VPS13B: variants seen among roughly 807,000 people sequenced by gnomAD.
The protein encoded by VPS13B is vacuolar protein sorting 13 homolog B.
In VPS13B, 285 loss-of-function variants were observed where a neutral mutation model predicts 426.4. The observed-to-expected ratio is 0.67, with a 90% CI of 0.61 to 0.74. The LOEUF (loss-of-function observed/expected upper bound fraction) is 0.74. Ranked by LOEUF, VPS13B falls within the 30% of genes least tolerant of loss-of-function variation. The pLI is 0.00. For synonymous variants in VPS13B, 1,676 were observed against 1,676.4 expected, an observed-to-expected ratio of 1.00 and a Z score of 0.01; for missense variants, 4,537 against 4,782.6, an observed-to-expected ratio of 0.95 and a Z score of 1.51.
intron 28 of VPS13B, chr8:99,508,003 G>C: frequency 6.3e-7 from 1 of 1,575,688 alleles, no homozygotes; most frequent in Admixed American, 1.7e-5. Flanking sequence ...CTCTTGATTT[G>C]TGTTTTCCTC....
intron 3 of VPS13B, among the ~76,000 whole-genome samples, chr8:99,042,847 G>A (rs1272744130): frequency 6.6e-6 from 1 of 152,164 alleles, no homozygotes; most frequent in African/African-American, 2.4e-5. Context: ...TGATCAAAAA[G>A]TGATATGTTA....
chr8:99,329,764 A>G (rs1342280181), intron 19 of VPS13B, among the ~76,000 whole-genome samples: 2 of 152,044 alleles, frequency 1.3e-5, no homozygotes, highest in African/African-American at 2.4e-5. Flanking sequence ...ATCTTGACAG[A>G]TTCTAGTAAC....
rs533228041 is a variant in VPS13B, at chr8:99,808,962, T to TA, written c.7942-403dup. On this transcript the variant is annotated intron_variant, in intron 43 of 61. Transcript: ENST00000357162. ...GAAAAAAGGTATGACAATTGATGAT[T>TA]AAAAAAAAAACCCACAAACCAAATT... Among the ~76,000 whole-genome samples, 315 of 148,314 alleles carry TA rather than the reference T, an allele frequency of 2.1e-3. 1 individual carries two copies. The highest frequency in any genetic ancestry group is 0.01 in the Middle Eastern group (3 of 290).
At chr8:99,450,748 T>C (rs1048606545) in intron 23 of VPS13B, among the ~76,000 whole-genome samples, 2 of 152,126 alleles carry the variant, frequency 1.3e-5, no homozygotes, top group Non-Finnish European at 1.5e-5. Flanking sequence ...ATCTTTTTTT[T>C]ACTTGTCCTC....
At chr8:99,576,691 A>C (rs1256187941) in intron 32 of VPS13B, among the ~76,000 whole-genome samples, 1 of 152,288 alleles carries the variant, frequency 6.6e-6, no homozygotes, top group South Asian at 2.1e-4. Context: ...CATCATGACA[A>C]GAGGCAGGAC....
intron 21 of VPS13B, among the ~76,000 whole-genome samples, chr8:99,413,406 C>T (rs573040404): frequency 6.6e-6 from 1 of 151,818 alleles, no homozygotes; most frequent in African/African-American, 2.4e-5. Flanking sequence ...GTGGTGATCT[C>T]CCCTTTATCA....
At chr8:99,648,584 C>T (rs1357672871) in intron 34 of VPS13B, among the ~76,000 whole-genome samples, 2 of 152,136 alleles carry the variant, frequency 1.3e-5, no homozygotes, top group Non-Finnish European at 2.9e-5. Flanking sequence ...CATGTCTAAT[C>T]ATTCACACTC....
intron 17 of VPS13B, among the ~76,000 whole-genome samples, chr8:99,267,458 G>T (rs976361529): frequency 6.6e-6 from 1 of 152,110 alleles, no homozygotes; most frequent in Non-Finnish European, 1.5e-5. Flanking sequence ...GGCTGGACAC[G>T]ATGGCTCATG....
At chr8:99,487,097 A>T (rs1171712350) in intron 25 of VPS13B, among the ~76,000 whole-genome samples, 2 of 150,152 alleles carry the variant, frequency 1.3e-5, no homozygotes, top group African/African-American at 2.5e-5. Flanking sequence ...TTTCTCATTG[A>T]CCGAAACCAA....
At chr8:99,443,997 TTTTTC>T (rs1314492693) in intron 23 of VPS13B, among the ~76,000 whole-genome samples, 12 of 147,204 alleles carry the variant, frequency 8.2e-5, no homozygotes, top group African/African-American at 3.0e-4. Context: ...GCTTTGTTTC[TTTTTC>T]TTTTCTTTTT....
intron 59 of VPS13B, among the ~76,000 whole-genome samples, chr8:99,870,365 G>A (rs986602395): frequency 6.6e-5 from 10 of 151,988 alleles, no homozygotes; most frequent in African/African-American, 2.4e-4. Flanking sequence ...TTGTTTCCCA[G>A]GCTGGTCTCT....
At chr8:99,150,480 A>AT (rs1563569551) in intron 14 of VPS13B, among the ~76,000 whole-genome samples, 1 of 152,216 alleles carries the variant, frequency 6.6e-6, no homozygotes, top group East Asian at 1.9e-4. Flanking sequence ...ATTATCTGCT[A>AT]TAACAATATC....
intron 30 of VPS13B, among the ~76,000 whole-genome samples, chr8:99,534,762 T>C (rs2133704412): frequency 6.6e-6 from 1 of 152,290 alleles, no homozygotes; most frequent in Non-Finnish European, 1.5e-5. Flanking sequence ...TGCTACTGTC[T>C]TAAGTGTCTG....
At chr8:99,519,619 G>A (rs992237421) in intron 29 of VPS13B, among the ~76,000 whole-genome samples, 7 of 152,114 alleles carry the variant, frequency 4.6e-5, no homozygotes, top group Non-Finnish European at 7.4e-5. Context: ...AGACTATGCA[G>A]CCATAAAAAA....
intron 17 of VPS13B, among the ~76,000 whole-genome samples, chr8:99,224,613 TTTTAAA>T (rs1475213842): frequency 1.3e-5 from 2 of 152,132 alleles, no homozygotes; most frequent in African/African-American, 4.8e-5. Context: ...TTTTACTCAC[TTTTAAA>T]TTAAAGCATA....
At chr8:99,416,578 G>C (rs569699029) in intron 21 of VPS13B, among the ~76,000 whole-genome samples, 55 of 152,340 alleles carry the variant, frequency 3.6e-4, no homozygotes, top group Middle Eastern at 3.4e-3. Flanking sequence ...CAGGTCTGCG[G>C]GTTGTGAAGA....
At chr8:99,024,491 C>T (rs563232318) in intron 2 of VPS13B, among the ~76,000 whole-genome samples, 12 of 152,270 alleles carry the variant, frequency 7.9e-5, no homozygotes, top group East Asian at 1.9e-4. Context: ...GGTGAGAGAT[C>T]GGGATCTAGT....
At chr8:99,066,306 A>G (rs1417544544) in intron 3 of VPS13B, among the ~76,000 whole-genome samples, 2 of 152,232 alleles carry the variant, frequency 1.3e-5, no homozygotes, top group African/African-American at 2.4e-5. Flanking sequence ...AAACAGATAT[A>G]TAGACCAATG....
chr8:99,265,072 G>T (rs1391076152), intron 17 of VPS13B, among the ~76,000 whole-genome samples: 1 of 151,872 alleles, frequency 6.6e-6, no homozygotes, highest in Non-Finnish European at 1.5e-5. Flanking sequence ...ATTTCTTATT[G>T]CAGTATCTTC....
Sources: allele counts gnomAD v4.1 joint callset (sites outside exome capture counted in the v4.1 genomes callset), GRCh38; gene constraint gnomAD v4.1.1; transcripts MANE v1.5; gene names NCBI Gene and HGNC (gene_info 2026-07-23, HGNC 2026-07-21).